FUT9: variants seen among roughly 807,000 people sequenced by gnomAD.
FUT9 encodes 4-galactosyl-N-acetylglucosaminide 3-alpha-L-fucosyltransferase 9.
Under a neutral mutation model 29.7 loss-of-function variants are expected in FUT9, and 15 were observed. The ratio of observed to expected loss-of-function variants is 0.51; its 90% CI spans 0.34 to 0.78. The LOEUF is 0.78. Ranked by LOEUF, FUT9 falls within the 30% of genes least tolerant of loss-of-function variation. The pLI is 0.01. For synonymous variants in FUT9, 169 were observed against 153.7 expected (o/e 1.10, Z -0.74); for missense variants, 319 against 425.4 (o/e 0.75, Z 2.20).
intron 1 of FUT9, among the ~76,000 whole-genome samples, chr6:96,016,560 G>T (rs1379201796): frequency 2.6e-5 from 4 of 152,018 alleles, no homozygotes; most frequent in Non-Finnish European, 4.4e-5. Context: ...CCCACCTTAT[G>T]CCAGTGCACA....
At chr6:96,182,877 G>A (rs1773335149) in intron 2 of FUT9, among the ~76,000 whole-genome samples, 1 of 152,036 alleles carries the variant, frequency 6.6e-6, no homozygotes, top group South Asian at 2.1e-4. Context: ...GTAATGTGAT[G>A]CCTCCAGATT....
chr6:96,173,874 T>C (rs1467311247), intron 2 of FUT9, among the ~76,000 whole-genome samples: 1 of 152,144 alleles, frequency 6.6e-6, no homozygotes, highest in Non-Finnish European at 1.5e-5. Context: ...GTGACAGCCA[T>C]ATTGTTGTCA....
intron 1 of FUT9, among the ~76,000 whole-genome samples, chr6:96,063,770 C>G (rs948492055): frequency 6.6e-6 from 1 of 152,048 alleles, no homozygotes; most frequent in Admixed American, 6.6e-5. Flanking sequence ...TCTTTGGAGA[C>G]GTAATTTGGT....
chr6:96,108,636 C>T (rs1257872964), intron 1 of FUT9, among the ~76,000 whole-genome samples: 1 of 152,176 alleles, frequency 6.6e-6, no homozygotes, highest in Non-Finnish European at 1.5e-5. Flanking sequence ...CACTCTCTAC[C>T]ACTCTGTTCC....
chr6:96,110,934 A>G (rs902516139), intron 1 of FUT9, among the ~76,000 whole-genome samples: 4 of 151,878 alleles, frequency 2.6e-5, no homozygotes, highest in African/African-American at 9.7e-5. Flanking sequence ...AAGTACTGGG[A>G]TTACAGGCAT....
rs187476568 is a variant in FUT9, at chr6:96,135,364, C to T, written c.-9+21237C>T. 1.6e-3 allele frequency among the ~76,000 whole-genome samples: 241 copies of T among 151,932 alleles called. 1 individual carries two copies. The highest frequency in any genetic ancestry group is 5.7e-3 in the African/African-American group (237 of 41,494). ...TTTTGAACAATATTGTAGCCTCAGA[C>T]AATGTCCTATTGGAATTAGAAATGA... is the stretch of plus-strand genomic sequence containing the variant. On this transcript the variant is annotated intron_variant, in intron 2 of 2. Coordinates refer to ENST00000302103, the MANE Select transcript of FUT9 (RefSeq NM_006581.4).
At chr6:96,055,401 G>A (rs78261683) in intron 1 of FUT9, among the ~76,000 whole-genome samples, 2,808 of 137,290 alleles carry the variant, frequency 0.02, 91 homozygotes, top group African/African-American at 0.07. Flanking sequence ...TTTTCTTTAC[G>A]TTTTTCCTGT....
intron 1 of FUT9, among the ~76,000 whole-genome samples, chr6:96,103,623 C>T (rs1185792855): frequency 6.6e-6 from 1 of 151,996 alleles, no homozygotes; most frequent in African/African-American, 2.4e-5. Context: ...TGGTTTGTGG[C>T]AGCTTAACTA....
At position 96,095,629 on chromosome 6, in the gene FUT9, T is replaced by C. The variant is rs373889429; in HGVS notation, c.-97-18410T>C. Among the ~76,000 whole-genome samples, 155 of 152,144 alleles carry C rather than the reference T, an allele frequency of 1.0e-3. 1 individual carries two copies. The highest frequency in any genetic ancestry group is 3.5e-3 in the South Asian group (17 of 4,820). On this transcript the variant is annotated intron_variant, in intron 1 of 2. Coordinates refer to ENST00000302103, the MANE Select transcript of FUT9 (RefSeq NM_006581.4). ...GGTTTGCTTTGTACATCACTGGCAA[T>C]TTTTTTTATGGTTTACTTTGCCGGT...
chr6:96,154,136 T>C (rs541915868), intron 2 of FUT9, among the ~76,000 whole-genome samples: 2 of 152,328 alleles, frequency 1.3e-5, no homozygotes, highest in East Asian at 3.9e-4. Flanking sequence ...TAGTTTATAT[T>C]ACTCTTTAAA....
intron 1 of FUT9, among the ~76,000 whole-genome samples, chr6:96,066,024 C>G (rs9399739): frequency 0.55 from 83,311 of 151,950 alleles, 22,921 homozygotes; most frequent in South Asian, 0.64. Context: ...CCTAGCTAAT[C>G]TATGATTTAG....
intron 1 of FUT9, among the ~76,000 whole-genome samples, chr6:96,103,321 T>C (rs978415192): frequency 6.6e-6 from 1 of 152,194 alleles, no homozygotes. Flanking sequence ...AGAATTCTTA[T>C]TCTGCCTTCT....
intron 1 of FUT9, among the ~76,000 whole-genome samples, chr6:96,108,568 C>T (rs1771736874): frequency 6.6e-6 from 1 of 152,154 alleles, no homozygotes; most frequent in East Asian, 1.9e-4. Context: ...ATCAAGCTCT[C>T]AGCATGACCC....
chr6:96,184,820 C>T (rs532065045), intron 2 of FUT9, among the ~76,000 whole-genome samples: 18 of 152,028 alleles, frequency 1.2e-4, no homozygotes, highest in Non-Finnish European at 2.1e-4. Flanking sequence ...GAGAGAGAAG[C>T]ATCTCTATTT....
intron 1 of FUT9, among the ~76,000 whole-genome samples, chr6:96,077,385 TTAA>T (rs1259884365): frequency 6.6e-6 from 1 of 152,218 alleles, no homozygotes; most frequent in African/African-American, 2.4e-5. Context: ...GTTCTTGGAG[TTAA>T]TAATTTCTTT....
chr6:96,132,418 G>A (rs762224311), intron 2 of FUT9, among the ~76,000 whole-genome samples: 14 of 152,152 alleles, frequency 9.2e-5, no homozygotes, highest in Non-Finnish European at 1.8e-4. Flanking sequence ...TCAGCTGCAG[G>A]TTAGTCATTA....
chr6:96,185,865 C>T lies in FUT9; in HGVS notation c.-8-17283C>T, dbSNP rs141499022. 3.3e-3 allele frequency among the ~76,000 whole-genome samples: 502 copies of T among 152,092 alleles called. 3 individuals are homozygous for T. The highest frequency in any genetic ancestry group is 0.011 in the African/African-American group (475 of 41,514). On this transcript the variant is annotated intron_variant, in intron 2 of 2. Coordinates refer to ENST00000302103, the MANE Select transcript of FUT9 (RefSeq NM_006581.4). ...TTGTTTATTAGGAATGAAATCAGAG[C>T]AAAATATAAGATGACCCTTGAGGAT...
intron 1 of FUT9, among the ~76,000 whole-genome samples, chr6:96,088,748 G>C (rs1582221385): frequency 7.2e-6 from 1 of 138,274 alleles, no homozygotes; most frequent in East Asian, 2.2e-4. Context: ...TCATGTCCCA[G>C]ACCTTTTGCT....
intron 2 of FUT9, among the ~76,000 whole-genome samples, chr6:96,192,807 A>G (rs1773537486): frequency 6.6e-6 from 1 of 152,126 alleles, no homozygotes; most frequent in African/African-American, 2.4e-5. Flanking sequence ...AAACTATAAT[A>G]CAAGGCTACA....
Sources: allele counts gnomAD v4.1 joint callset (sites outside exome capture counted in the v4.1 genomes callset), GRCh38; gene constraint gnomAD v4.1.1; transcripts MANE v1.5; gene names NCBI Gene and HGNC (gene_info 2026-07-23, HGNC 2026-07-21).